The following RORA variants were observed in gnomAD, a reference collection of about 807,000 sequenced individuals.
RORA encodes nuclear receptor ROR-alpha.
Under a neutral mutation model 69.5 loss-of-function variants are expected in RORA, and 7 were observed. That is an observed-to-expected ratio of 0.10 (90% CI 0.06 to 0.19). The LOEUF (loss-of-function observed/expected upper bound fraction) is 0.19. RORA is among the 10% of genes least tolerant of loss of function. RORA has a pLI of 1.00. For missense variants in RORA, 457 were observed against 663.0 expected (o/e 0.69, Z 3.41); for synonymous variants, 261 against 240.8 (o/e 1.08, Z -0.78).
rs6494246 is a variant in RORA at position 61,061,570 on chromosome 15, C to T, written c.166+167483G>A. On this transcript the variant is annotated intron_variant, in intron 1 of 10. Transcript: ENST00000335670. The surrounding 1 kb of genome is among the most constrained non-coding windows in gnomAD (Gnocchi z 4.4). ...TAATTCCCAGATTTTCAGTAACTTA[C>T]GTACCAACCTCTAAGCCCCTTTATG... 0.22 allele frequency among the ~76,000 whole-genome samples: 33,592 copies of T among 151,808 alleles called. 3,884 individuals carry two copies. The highest frequency in any genetic ancestry group is 0.27 in the South Asian group (1,305 of 4,806).
chr15:60,839,992 G>A (rs1040722640), intron 1 of RORA, among the ~76,000 whole-genome samples: 15 of 152,154 alleles, frequency 9.9e-5, no homozygotes, highest in African/African-American at 3.4e-4. Flanking sequence ...TAAGAGTTAC[G>A]CCCTGTTGTG....
rs75174095 is a variant in RORA at position 61,175,541 on chromosome 15, TAA to T, written c.166+53510_166+53511del. The stretch of plus-strand genomic sequence containing the variant: ...GAGCAACATAGTGAGATCCTGTTTC[TAA>T]AAAAAAAAAAAAAAAACTTGCCAAG... On this transcript the variant is annotated intron_variant, in intron 1 of 10. Coordinates refer to ENST00000335670, the MANE Select transcript of RORA (RefSeq NM_134261.3). Among the ~76,000 whole-genome samples the T allele has an allele frequency of 8.3e-5, 10 of 120,184 alleles. No individual in the cohort carries two copies. The East Asian group carries it at 9.4e-4, about 11-fold the overall frequency. The allele number at this position is 120,184 out of a possible 152,430, so 78.8% of individuals were successfully genotyped here.
chr15:61,101,325 G>A (rs1231908790), intron 1 of RORA, among the ~76,000 whole-genome samples: 1 of 152,166 alleles, frequency 6.6e-6, no homozygotes, highest in African/African-American at 2.4e-5. Flanking sequence ...GTAAATGGAA[G>A]CAAAGTAGGG....
At position 60,499,903 on chromosome 15, in the gene RORA, T is replaced by G; in HGVS notation, c.1396A>C (p.Ile466Leu). The G allele has an allele frequency of 1.3e-6, 2 of 1,599,132 alleles. No individual in the cohort carries two copies. The highest frequency in any genetic ancestry group is 1.7e-6 in the Non-Finnish European group (2 of 1,167,874). Residue 466 changes from isoleucine (I) to leucine (L), a missense_variant, in exon 10 of 11, where the codon ATA (isoleucine) becomes CTA (leucine). Transcript: ENST00000335670. ...CCTTTGGCACTCACCTTTGTTAGTA[T>G]TCCATCTTCTCGGTGATTCTTCTGT... is the stretch of plus-strand genomic sequence containing the variant. ...VLQKNHREDGILTKLICKVST... is the reference protein window; with the variant it reads ...VLQKNHREDGLLTKLICKVST...
At chr15:60,932,051 A>T (rs559252970) in intron 1 of RORA, among the ~76,000 whole-genome samples, 4 of 152,118 alleles carry the variant, frequency 2.6e-5, no homozygotes, top group Non-Finnish European at 5.9e-5. Context: ...TTTTAAATGA[A>T]GATCCTATAC....
At chr15:60,703,043 C>G (rs2071006927) in intron 1 of RORA, among the ~76,000 whole-genome samples, 1 of 151,488 alleles carries the variant, frequency 6.6e-6, no homozygotes, top group Non-Finnish European at 1.5e-5. Flanking sequence ...AAGTTTAGAG[C>G]AAGGGAATAG....
intron 1 of RORA, among the ~76,000 whole-genome samples, chr15:61,169,199 G>C (rs570970650): frequency 6.6e-6 from 1 of 151,936 alleles, no homozygotes. Context: ...AACTGAATGG[G>C]GAATCCAGCC....
chr15:60,638,792 A>T (rs1444008730), intron 2 of RORA, among the ~76,000 whole-genome samples: 1 of 152,232 alleles, frequency 6.6e-6, no homozygotes. Flanking sequence ...AGAGGGCTAT[A>T]AGTAAGTTTT....
chr15:60,835,761 C>T (rs937001372), intron 1 of RORA, among the ~76,000 whole-genome samples: 3 of 152,206 alleles, frequency 2.0e-5, no homozygotes, highest in Non-Finnish European at 2.9e-5. Context: ...TGAATCGTTA[C>T]GATCCTCTGC....
intron 1 of RORA, among the ~76,000 whole-genome samples, chr15:61,186,664 AAAAG>A (rs2079745735): frequency 7.3e-6 from 1 of 136,986 alleles, no homozygotes; most frequent in African/African-American, 2.8e-5. Flanking sequence ...AAAAAAAAAA[AAAAG>A]GGAAAAAGAA....
chr15:60,670,304 G>A (rs2070446998), intron 2 of RORA, among the ~76,000 whole-genome samples: 1 of 151,102 alleles, frequency 6.6e-6, no homozygotes, highest in South Asian at 2.1e-4. Flanking sequence ...CGGCATCCCA[G>A]GTTCAAGCGA....
chr15:60,636,427 ATTAC>A, intron 2 of RORA, among the ~76,000 whole-genome samples: 1 of 152,292 alleles, frequency 6.6e-6, no homozygotes, highest in Admixed American at 6.5e-5. Flanking sequence ...GGTTTTTGCA[ATTAC>A]TTTTAATAGC....
rs1028115787 is a variant in RORA at position 61,167,066 on chromosome 15, T to G, written c.166+61987A>C. On this transcript the variant is annotated intron_variant, in intron 1 of 10. Coordinates refer to ENST00000335670, the MANE Select transcript of RORA (RefSeq NM_134261.3). ...GACACACATACACAAAATCACAGAA[T>G]CGGCTGCACCCCTAATGCTTCTCTG... Among the ~76,000 whole-genome samples the G allele has an allele frequency of 1.6e-4, 25 of 152,232 alleles. No individual in the cohort carries two copies. The East Asian group carries it at 4.8e-3, about 29-fold the overall frequency.
At chr15:60,499,283 G>T (rs2065258320) in intron 10 of RORA, among the ~76,000 whole-genome samples, 1 of 152,164 alleles carries the variant, frequency 6.6e-6, no homozygotes, top group South Asian at 2.1e-4. Context: ...TATAATCTCA[G>T]CTCTATGGGA....
chr15:60,997,339 G>A (rs904270389), intron 1 of RORA, among the ~76,000 whole-genome samples: 3 of 152,080 alleles, frequency 2.0e-5, no homozygotes, highest in African/African-American at 7.3e-5. Context: ...CTCAGAGAAG[G>A]AAAACAATTT....
intron 1 of RORA, among the ~76,000 whole-genome samples, chr15:61,112,585 ACG>A (rs2079016610): frequency 6.6e-6 from 1 of 152,184 alleles, no homozygotes; most frequent in Non-Finnish European, 1.5e-5. Flanking sequence ...CGCGTATTTA[ACG>A]CTCTGTGAAG....
intron 1 of RORA, among the ~76,000 whole-genome samples, chr15:60,901,776 C>A (rs1453181004): frequency 2.0e-5 from 3 of 152,194 alleles, no homozygotes; most frequent in African/African-American, 7.2e-5. Flanking sequence ...CACTGATTTT[C>A]ACATGGTCCT....
At chr15:60,895,349 A>G (rs1260888368) in intron 1 of RORA, among the ~76,000 whole-genome samples, 1 of 152,244 alleles carries the variant, frequency 6.6e-6, no homozygotes, top group Admixed American at 6.5e-5. Context: ...AAAAATTAGA[A>G]AAAGAAGGAG....
intron 1 of RORA, among the ~76,000 whole-genome samples, chr15:60,753,450 G>C (rs1595686724): frequency 1.3e-5 from 2 of 152,216 alleles, no homozygotes; most frequent in East Asian, 3.8e-4. Context: ...TGTCCTAGCG[G>C]AACAGGGAAA....
Sources: gnomAD v4.1 joint callset for allele counts (sites outside exome capture counted in the v4.1 genomes callset) on GRCh38, gnomAD v4.1.1 for gene constraint, Gnocchi (gnomAD v3.1) non-coding constraint, MANE v1.5 for transcripts, NCBI Gene and HGNC (gene_info 2026-07-23, HGNC 2026-07-21) for gene names.